Variants in TECPR2 observed in about 807,000 individuals in gnomAD.
TECPR2 encodes tectonin beta-propeller repeat containing 2.
TECPR2 carries 65 observed loss-of-function variants against 138.1 expected under a neutral mutation model. That is an observed-to-expected ratio of 0.47 (90% CI 0.39 to 0.58). The LOEUF (loss-of-function observed/expected upper bound fraction) is 0.58. Ranked by LOEUF, TECPR2 falls within the 20% of genes least tolerant of loss-of-function variation. The pLI, the probability that TECPR2 is intolerant of heterozygous loss-of-function variation, is 0.00. For missense variants in TECPR2, 1,553 were observed against 1,824.5 expected, an observed-to-expected ratio of 0.85 and a Z score of 2.71; for synonymous variants, 746 against 749.8, an observed-to-expected ratio of 0.99 and a Z score of 0.08.
intron 15 of TECPR2, among the ~76,000 whole-genome samples, chr14:102,451,050 C>T (rs1236681066): frequency 1.3e-5 from 2 of 152,344 alleles, no homozygotes; most frequent in Non-Finnish European, 2.9e-5. Flanking sequence ...TCACAGCCTC[C>T]GGATAACCTA....
At chr14:102,487,721 T>G (rs1891062945) in intron 17 of TECPR2, among the ~76,000 whole-genome samples, 1 of 151,910 alleles carries the variant, frequency 6.6e-6, no homozygotes, top group African/African-American at 2.4e-5. Context: ...TTTTGTATTT[T>G]TAGTAGAGAC....
chr14:102,482,516 C>T (rs1208621794), intron 17 of TECPR2, among the ~76,000 whole-genome samples: 1 of 152,198 alleles, frequency 6.6e-6, no homozygotes, highest in African/African-American at 2.4e-5. Flanking sequence ...CCTCTCTCTA[C>T]CCGGGACCCA....
chr14:102,451,947 A>T (rs781209627), intron 15 of TECPR2, among the ~76,000 whole-genome samples: 1 of 151,678 alleles, frequency 6.6e-6, no homozygotes, highest in African/African-American at 2.4e-5. Flanking sequence ...GGAGAGCACC[A>T]TGGCGCCATC....
At chr14:102,486,421 T>C (rs1279708620) in intron 17 of TECPR2, among the ~76,000 whole-genome samples, 1 of 152,230 alleles carries the variant, frequency 6.6e-6, no homozygotes, top group African/African-American at 2.4e-5. Context: ...TACCTCATCC[T>C]CCTGAGTACC....
intron 13 of TECPR2, among the ~76,000 whole-genome samples, chr14:102,446,509 G>C (rs1889983895): frequency 6.6e-6 from 1 of 152,144 alleles, no homozygotes; most frequent in South Asian, 2.1e-4. Context: ...TGAGGTGGGA[G>C]AATAGTTTGA....
intron 11 of TECPR2, among the ~76,000 whole-genome samples, chr14:102,441,146 C>T (rs998688087): frequency 3.3e-5 from 5 of 152,136 alleles, no homozygotes; most frequent in Admixed American, 2.0e-4. Flanking sequence ...CTCACTGCAA[C>T]CTCTGCCTCC....
At chr14:102,489,462 T>G (rs1237775085) in intron 17 of TECPR2, among the ~76,000 whole-genome samples, 11 of 151,500 alleles carry the variant, frequency 7.3e-5, no homozygotes, top group African/African-American at 2.7e-4. Context: ...ATCCCAGTAC[T>G]TTGGGAGGCT....
At chr14:102,485,340 C>G (rs193263373) in intron 17 of TECPR2, among the ~76,000 whole-genome samples, 4 of 152,212 alleles carry the variant, frequency 2.6e-5, no homozygotes, top group Non-Finnish European at 5.9e-5. Flanking sequence ...AACCAGCTCC[C>G]TTTGAGAGAA....
chr14:102,444,263 G>A (rs1006371421), intron 12 of TECPR2, among the ~76,000 whole-genome samples: 1 of 150,532 alleles, frequency 6.6e-6, no homozygotes, highest in African/African-American at 2.5e-5. Flanking sequence ...CCACGATCAC[G>A]GCTCACTGCA....
At chr14:102,441,317 G>A (rs974288574) in intron 11 of TECPR2, among the ~76,000 whole-genome samples, 8 of 150,600 alleles carry the variant, frequency 5.3e-5, no homozygotes, top group East Asian at 2.0e-4. Context: ...TGATCTGCCC[G>A]CCTCAGCCTC....
intron 2 of TECPR2, among the ~76,000 whole-genome samples, chr14:102,407,041 G>GT (rs1888677002): frequency 6.6e-6 from 1 of 151,910 alleles, no homozygotes; most frequent in Non-Finnish European, 1.5e-5. Flanking sequence ...TGTGTTTTTA[G>GT]TAGAGACGGG....
At position 102,415,782 on chromosome 14, in the gene TECPR2, A is replaced by G. The variant is rs77295787; in HGVS notation, c.638+989A>G. ...AAAGGGCACTGTTTGCCTGCATAGA[A>G]TCAGGGGCAGGGCAGCTGATGGTCA... On this transcript the variant is annotated intron_variant, in intron 5 of 19. Coordinates refer to ENST00000359520, the MANE Select transcript of TECPR2 (RefSeq NM_014844.5). The surrounding 1 kb of genome is among the most constrained non-coding windows in gnomAD (Gnocchi z 4.3). Among the ~76,000 whole-genome samples the G allele has an allele frequency of 0.01, 1,583 of 152,286 alleles. 30 individuals carry two copies. The highest frequency in any genetic ancestry group is 0.036 in the African/African-American group (1,504 of 41,558).
rs1888927676 is a variant in TECPR2 at position 102,413,159 on chromosome 14, A to G, written c.481-1477A>G. Among the ~76,000 whole-genome samples, 6 of 152,208 alleles carry G rather than the reference A, an allele frequency of 3.9e-5. No individual in the cohort carries two copies. In the South Asian group the frequency reaches 1.2e-3, roughly 32 times the overall value. ...CTTTATCTTGATTTTGGTGTTGGTT[A>G]CATGACTATAAATTTGTCAAAATTC... On this transcript the variant is annotated intron_variant, in intron 4 of 19. Coordinates refer to ENST00000359520, the MANE Select transcript of TECPR2 (RefSeq NM_014844.5).
chr14:102,408,603 C>T lies in TECPR2; in HGVS notation c.464C>T (p.Ser155Phe). ...GACAAAGGCAAAATTGTTTATTCTT[C>T]TCTGGATCTAGACCAGGTAAAATTA... ...GDDKGKIVYS[S>F]LDLDQGLCNS... Residue 155 changes from serine to phenylalanine, a missense_variant, in exon 4 of 20, where the codon TCT becomes TTT. Coordinates refer to ENST00000359520, the MANE Select transcript of TECPR2 (RefSeq NM_014844.5). 6.2e-7 allele frequency: 1 copy of T among 1,612,664 alleles called. No individual in the cohort carries two copies. Among genetic ancestry groups the T allele is most frequent in the Non-Finnish European group, 8.5e-7 (1 of 1,179,566 alleles).
chr14:102,428,290 C>G lies in TECPR2; in HGVS notation c.992C>G (p.Ser331Cys). ...TTGGAAGGATCCGGTGATATTGTGT[C>G]TGTTTCGTGCACAGAAAATGAAATA... ...AGLEGSGDIVSVSCTENEIFF... is the reference protein window; with the variant it reads ...AGLEGSGDIVCVSCTENEIFF... The change falls in exon 7 of 20, where the codon TCT becomes TGT. Residue 331 changes from serine to cysteine, a missense_variant. Physicochemically the swap from Ser to Cys is moderately radical, Grantham distance 112 (BLOSUM62 -1). Transcript: ENST00000359520. The G allele has an allele frequency of 6.8e-7, 1 of 1,478,082 alleles. No homozygotes were observed. The allele number at this position is 1,478,082 out of a possible 1,614,324, so 91.6% of individuals were successfully genotyped here. A position where few individuals can be genotyped will look rare whatever the true frequency, so the allele number is the denominator to read the frequency against.
chr14:102,412,178 C>T (rs1001639896), intron 4 of TECPR2, among the ~76,000 whole-genome samples: 1 of 135,352 alleles, frequency 7.4e-6, no homozygotes, highest in African/African-American at 2.9e-5. Flanking sequence ...CTCACCCAGG[C>T]TGGTGCACAG....
At chr14:102,468,179 C>A (rs996313611) in intron 17 of TECPR2, among the ~76,000 whole-genome samples, 2 of 150,484 alleles carry the variant, frequency 1.3e-5, no homozygotes, top group African/African-American at 4.9e-5. Context: ...ATTGTGTTAT[C>A]TTTTACTGAG....
chr14:102,380,807 T>C (rs1481141386), intron 2 of TECPR2, among the ~76,000 whole-genome samples: 1 of 152,132 alleles, frequency 6.6e-6, no homozygotes, highest in Non-Finnish European at 1.5e-5. Context: ...GCCTCCCAAG[T>C]AGCTGGGACT....
At chr14:102,484,863 A>T (rs1296912628) in intron 17 of TECPR2, among the ~76,000 whole-genome samples, 1 of 151,676 alleles carries the variant, frequency 6.6e-6, no homozygotes, top group Non-Finnish European at 1.5e-5. Flanking sequence ...TCGCCATGTT[A>T]GTCAGGCTGG....
Sources: allele counts gnomAD v4.1 joint callset (sites outside exome capture counted in the v4.1 genomes callset), GRCh38; gene constraint gnomAD v4.1.1; non-coding constraint Gnocchi (gnomAD v3.1); transcripts MANE v1.5; gene names NCBI Gene and HGNC (gene_info 2026-07-23, HGNC 2026-07-21).